Variants in UBE2QL1 observed in about 807,000 individuals in gnomAD.
UBE2QL1 encodes the protein ubiquitin conjugating enzyme E2 QL1.
In UBE2QL1, 5 loss-of-function variants were observed where a neutral mutation model predicts 12.6. The ratio of observed to expected loss-of-function variants is 0.40; its 90% CI spans 0.21 to 0.83. The LOEUF (loss-of-function observed/expected upper bound fraction) is 0.83. Ranked by LOEUF, UBE2QL1 falls within the 40% of genes least tolerant of loss-of-function variation. The pLI, the probability that UBE2QL1 is intolerant of heterozygous loss-of-function variation, is 0.37. For synonymous variants in UBE2QL1, 96 were observed against 94.5 expected, an observed-to-expected ratio of 1.02 and a Z score of -0.10; for missense variants, 99 against 222.6, an observed-to-expected ratio of 0.44 and a Z score of 3.53.
At chr5:6,450,721 G>C (rs1739396908) in intron 1 of UBE2QL1, among the ~76,000 whole-genome samples, 1 of 152,168 alleles carries the variant, frequency 6.6e-6, no homozygotes, top group South Asian at 2.1e-4. Flanking sequence ...CAGCAGAGAA[G>C]GTCAGGTAAT....
At chr5:6,489,481 C>T (rs1435582237) in intron 1 of UBE2QL1, among the ~76,000 whole-genome samples, 1 of 152,046 alleles carries the variant, frequency 6.6e-6, no homozygotes, top group African/African-American at 2.4e-5. Context: ...CTGCTGCCCC[C>T]AGTGACAGAT....
chr5:6,453,937 G>A (rs1560926711), intron 1 of UBE2QL1, among the ~76,000 whole-genome samples: 1 of 152,180 alleles, frequency 6.6e-6, no homozygotes, highest in Admixed American at 6.5e-5. Context: ...CTGGAGTGCA[G>A]TGGCATGATC....
chr5:6,460,734 T>C (rs1739635296), intron 1 of UBE2QL1, among the ~76,000 whole-genome samples: 1 of 152,268 alleles, frequency 6.6e-6, no homozygotes, highest in Non-Finnish European at 1.5e-5. Flanking sequence ...TGATTTCTTT[T>C]GCTGGCGTTC....
chr5:6,451,842 G>A (rs1348821596), intron 1 of UBE2QL1, among the ~76,000 whole-genome samples: 10 of 152,174 alleles, frequency 6.6e-5, no homozygotes, highest in Non-Finnish European at 2.9e-5. Context: ...GTTGTTCAGA[G>A]CACATATGGT....
chr5:6,473,072 C>T (rs1304937295), intron 1 of UBE2QL1, among the ~76,000 whole-genome samples: 1 of 152,184 alleles, frequency 6.6e-6, no homozygotes, highest in Non-Finnish European at 1.5e-5. Context: ...AAATACAATT[C>T]TCTCTTCTGC....
At chr5:6,459,508 C>G (rs953770460) in intron 1 of UBE2QL1, among the ~76,000 whole-genome samples, 3 of 152,108 alleles carry the variant, frequency 2.0e-5, no homozygotes, top group Non-Finnish European at 4.4e-5. Flanking sequence ...TGCATGGCCT[C>G]GAGGTGTCTG....
At chr5:6,467,589 C>G (rs1739823896) in intron 1 of UBE2QL1, among the ~76,000 whole-genome samples, 1 of 152,198 alleles carries the variant, frequency 6.6e-6, no homozygotes, top group African/African-American at 2.4e-5. Flanking sequence ...GTGCTGAGGG[C>G]TGGGACTTCA....
chr5:6,472,657 A>T (rs1223928765), intron 1 of UBE2QL1, among the ~76,000 whole-genome samples: 2 of 152,084 alleles, frequency 1.3e-5, no homozygotes, highest in Non-Finnish European at 2.9e-5. Context: ...AATTTTCAGA[A>T]AATTTTTCTT....
chr5:6,466,733 G>A (rs765070782), intron 1 of UBE2QL1, among the ~76,000 whole-genome samples: 1 of 152,248 alleles, frequency 6.6e-6, no homozygotes, highest in Non-Finnish European at 1.5e-5. Context: ...GATGCTGACT[G>A]CCAAAGGCAT....
intron 1 of UBE2QL1, among the ~76,000 whole-genome samples, chr5:6,452,095 C>T (rs1739423301): frequency 1.3e-5 from 2 of 152,190 alleles, no homozygotes; most frequent in South Asian, 2.1e-4. Flanking sequence ...ACATTCACTG[C>T]TCAGCTGAAC....
At position 6,488,834 on chromosome 5, in the gene UBE2QL1, A is replaced by G. The variant is rs141022635; in HGVS notation, c.355-2384A>G. Among the ~76,000 whole-genome samples the G allele has an allele frequency of 7.3e-4, 111 of 152,054 alleles. No homozygotes were observed. In the East Asian group the frequency reaches 0.015, roughly 20 times the overall value. On this transcript the variant is annotated intron_variant, in intron 1 of 1. Transcript: ENST00000399816. Reference sequence around the variant, plus strand: ...AAAAAAAAAGAAGAAATTGATGCTAACATCCTCGCAAAGATGTGAAAGATG... The same window carrying G: ...AAAAAAAAAGAAGAAATTGATGCTAGCATCCTCGCAAAGATGTGAAAGATG...
At chr5:6,491,164 G>A (rs1010491772) in intron 1 of UBE2QL1, 54 bp from the exon 2 acceptor site, 3 of 1,477,166 alleles carry the variant, frequency 2.0e-6, no homozygotes, top group Non-Finnish European at 2.7e-6. Context: ...AAGATGGTAG[G>A]AAACAGAATT....
intron 1 of UBE2QL1, among the ~76,000 whole-genome samples, chr5:6,469,320 C>G (rs79215707): frequency 0.018 from 2,789 of 152,054 alleles, 46 homozygotes; most frequent in Middle Eastern, 0.034. Flanking sequence ...CCATAAACTT[C>G]AGAGATGTCA....
rs1438241747 is a variant in UBE2QL1 at position 6,477,105 on chromosome 5, C to G, written c.355-14113C>G. Among the ~76,000 whole-genome samples the G allele has an allele frequency of 1.3e-5, 2 of 152,196 alleles. 1 individual carries two copies. The highest frequency in any genetic ancestry group is 4.1e-4 in the South Asian group (2 of 4,834). On this transcript the variant is annotated intron_variant, in intron 1 of 1. Coordinates refer to ENST00000399816, the MANE Select transcript of UBE2QL1 (RefSeq NM_001145161.3). Reference sequence around the variant, plus strand: ...ACACCCCCATGCCTACACCAGCGCCCACACTCTCAGGGCCAGTGATCACCA... The same window carrying G: ...ACACCCCCATGCCTACACCAGCGCCGACACTCTCAGGGCCAGTGATCACCA...
Position 6,481,308 on chromosome 5 carries a change from G to A in UBE2QL1, c.355-9910G>A, listed in dbSNP as rs1297651803. On this transcript the variant is annotated intron_variant, in intron 1 of 1. Transcript: ENST00000399816. The surrounding 1 kb of genome is among the most constrained non-coding windows in gnomAD (Gnocchi z 4.5). ...TGCAGGCCTGGCCCCGGGTCACTTG[G>A]CATGGTGGCCCACCACCTCCATCCC... 6.6e-6 allele frequency among the ~76,000 whole-genome samples: 1 copy of A among 152,174 alleles called. No homozygotes were observed. Among genetic ancestry groups the A allele is most frequent in the African/African-American group, 2.4e-5 (1 of 41,434 alleles).
intron 1 of UBE2QL1, among the ~76,000 whole-genome samples, chr5:6,475,498 C>T (rs1335005593): frequency 6.6e-6 from 1 of 152,302 alleles, no homozygotes; most frequent in South Asian, 2.1e-4. Flanking sequence ...GTTTCATTTA[C>T]ATCACCTGTA....
chr5:6,471,644 C>T (rs1445211946), intron 1 of UBE2QL1, among the ~76,000 whole-genome samples: 1 of 152,182 alleles, frequency 6.6e-6, no homozygotes, highest in African/African-American at 2.4e-5. Context: ...ACTCCGCCAT[C>T]CTCTGTGCAA....
At chr5:6,453,615 GA>G (rs1739452016) in intron 1 of UBE2QL1, among the ~76,000 whole-genome samples, 1 of 152,180 alleles carries the variant, frequency 6.6e-6, no homozygotes, top group Non-Finnish European at 1.5e-5. Context: ...TCAGCTTTGT[GA>G]AATGATATGC....
chr5:6,453,748 G>A (rs1294245923), intron 1 of UBE2QL1, among the ~76,000 whole-genome samples: 1 of 151,850 alleles, frequency 6.6e-6, no homozygotes, highest in African/African-American at 2.4e-5. Flanking sequence ...CATACATAAA[G>A]CCCATCTTCC....
Sources: gnomAD v4.1 joint callset for allele counts (sites outside exome capture counted in the v4.1 genomes callset) on GRCh38, gnomAD v4.1.1 for gene constraint, Gnocchi (gnomAD v3.1) non-coding constraint, MANE v1.5 for transcripts, NCBI Gene and HGNC (gene_info 2026-07-23, HGNC 2026-07-21) for gene names.